Variants in PLCB4 observed in about 807,000 individuals in gnomAD.
The protein encoded by PLCB4 is 1-phosphatidylinositol 4,5-bisphosphate phosphodiesterase beta-4.
PLCB4 carries 77 observed loss-of-function variants against 178.8 expected under a neutral mutation model. That is an observed-to-expected ratio of 0.43 (90% CI 0.36 to 0.52). The LOEUF (loss-of-function observed/expected upper bound fraction) is 0.52, where lower values mean the gene tolerates loss of function less well. Among genes scored for constraint, PLCB4 ranks in the 20% least tolerant of loss-of-function variants. The pLI is 0.00. For synonymous variants in PLCB4, 496 were observed against 490.8 expected, an observed-to-expected ratio of 1.01 and a Z score of -0.14; for missense variants, 1,024 against 1,453.4, an observed-to-expected ratio of 0.70 and a Z score of 4.80.
chr20:9,178,245 TG>T (rs1363567706), intron 2 of PLCB4, among the ~76,000 whole-genome samples: 1 of 152,106 alleles, frequency 6.6e-6, no homozygotes, highest in Non-Finnish European at 1.5e-5. Context: ...TGCTTGAATC[TG>T]GGAGGCGGAG....
rs1285400728 is a variant in PLCB4 at position 9,082,877 on chromosome 20, A to G, written c.-134-13410A>G. Among the ~76,000 whole-genome samples, 20 of 152,308 alleles carry G rather than the reference A, an allele frequency of 1.3e-4. 1 individual carries two copies. Among genetic ancestry groups the G allele is most frequent in the Admixed American group, 1.0e-3 (16 of 15,294 alleles). ...GAAATGAGGAAATTTAAAAGTGCAG[A>G]TGATTTGGGTATTAACACATATCCT... On this transcript the variant is annotated intron_variant, in intron 1 of 39. Transcript: ENST00000378473.
At chr20:9,192,352 T>C (rs2093415528) in intron 2 of PLCB4, among the ~76,000 whole-genome samples, 1 of 152,106 alleles carries the variant, frequency 6.6e-6, no homozygotes, top group South Asian at 2.1e-4. Context: ...GAATAATCAG[T>C]GCCAAGGGAG....
chr20:9,177,932 A>G (rs990807838), intron 2 of PLCB4, among the ~76,000 whole-genome samples: 3 of 152,226 alleles, frequency 2.0e-5, no homozygotes, highest in African/African-American at 4.8e-5. Flanking sequence ...GTCCTATGGT[A>G]TAAAAACATT....
chr20:9,153,983 G>A (rs542715476), intron 2 of PLCB4, among the ~76,000 whole-genome samples: 1 of 152,208 alleles, frequency 6.6e-6, no homozygotes, highest in African/African-American at 2.4e-5. Flanking sequence ...TTTCAAAATA[G>A]GCTACATGGT....
chr20:9,147,089 T>C (rs1251994691), intron 2 of PLCB4, among the ~76,000 whole-genome samples: 1 of 152,114 alleles, frequency 6.6e-6, no homozygotes, highest in Admixed American at 6.6e-5. Flanking sequence ...GGCAAAAAGA[T>C]TGGATAGAGG....
chr20:9,200,207 T>C (rs1420376266), intron 2 of PLCB4, among the ~76,000 whole-genome samples: 1 of 152,024 alleles, frequency 6.6e-6, no homozygotes, highest in Non-Finnish European at 1.5e-5. Flanking sequence ...AAACTATTCA[T>C]TGTTTTTCAG....
chr20:9,457,396 G>A lies in PLCB4; in HGVS notation c.2997-18G>A, dbSNP rs1201615487. Reference sequence around the variant, plus strand: ...AATATCTAATTTCTGGCATGCATTTGCAACTTTCCATTTTCAGGGGAAGTA... The same window carrying A: ...AATATCTAATTTCTGGCATGCATTTACAACTTTCCATTTTCAGGGGAAGTA... On this transcript the variant is annotated intron_variant, in intron 33 of 39. Coordinates refer to ENST00000378473, the MANE Select transcript of PLCB4 (RefSeq NM_001377142.1). 2 of 1,293,908 alleles carry A rather than the reference G, an allele frequency of 1.5e-6. No individual in the cohort carries two copies. The highest frequency in any genetic ancestry group is 2.3e-5 in the East Asian group (1 of 43,382). The allele number at this position is 1,293,908 out of a possible 1,614,324, so 80.2% of individuals were successfully genotyped here. A position where few individuals can be genotyped will look rare whatever the true frequency, so the allele number is the denominator to read the frequency against.
At chr20:9,419,752 GT>G in intron 25 of PLCB4, 54 bp from the exon 26 acceptor site, 1 of 1,044,138 alleles carries the variant, frequency 9.6e-7, no homozygotes. Context: ...CAACTAGCGA[GT>G]GTTTTAGTCT....
At chr20:9,249,931 G>C (rs1321858278) in intron 3 of PLCB4, among the ~76,000 whole-genome samples, 1 of 152,080 alleles carries the variant, frequency 6.6e-6, no homozygotes, top group Non-Finnish European at 1.5e-5. Context: ...GAATGATTCT[G>C]TATCCAAGGA....
intron 1 of PLCB4, among the ~76,000 whole-genome samples, chr20:9,088,182 T>C (rs1448751745): frequency 2.8e-5 from 1 of 35,212 alleles, no homozygotes; most frequent in African/African-American, 8.4e-5. Context: ...TCTTTTCTTT[T>C]TTTTTTTTTT....
intron 35 of PLCB4, among the ~76,000 whole-genome samples, chr20:9,463,692 C>G (rs1345470626): frequency 1.3e-5 from 2 of 149,916 alleles, no homozygotes; most frequent in Non-Finnish European, 3.0e-5. Context: ...AAGGCCATTA[C>G]ATAATGGTAA....
chr20:9,102,794 G>T (rs916199448), intron 2 of PLCB4, among the ~76,000 whole-genome samples: 2 of 152,046 alleles, frequency 1.3e-5, no homozygotes, highest in African/African-American at 4.8e-5. Context: ...TCAGCACTTT[G>T]TAACCTGAGA....
chr20:9,179,706 C>T (rs1292473642), intron 2 of PLCB4, among the ~76,000 whole-genome samples: 1 of 152,146 alleles, frequency 6.6e-6, no homozygotes, highest in African/African-American at 2.4e-5. Context: ...GCATTTTAGC[C>T]TCTTTGAGTA....
chr20:9,311,620 G>A (rs2094835281), intron 4 of PLCB4, among the ~76,000 whole-genome samples: 1 of 151,710 alleles, frequency 6.6e-6, no homozygotes, highest in African/African-American at 2.4e-5. Flanking sequence ...AACATTTTCT[G>A]TCTCTCAATC....
chr20:9,194,010 T>TAA (rs1348688812), intron 2 of PLCB4, among the ~76,000 whole-genome samples: 1 of 151,398 alleles, frequency 6.6e-6, no homozygotes, highest in African/African-American at 2.4e-5. Context: ...CTTTTTTTTT[T>TAA]AAAAAAAATT....
chr20:9,291,188 T>C (rs1288187372), intron 3 of PLCB4, among the ~76,000 whole-genome samples: 1 of 152,234 alleles, frequency 6.6e-6, no homozygotes, highest in African/African-American at 2.4e-5. Flanking sequence ...GATTCACTTT[T>C]CCAATGTCAC....
chr20:9,261,605 CTT>C (rs2094298450), intron 3 of PLCB4, among the ~76,000 whole-genome samples: 1 of 152,066 alleles, frequency 6.6e-6, no homozygotes. Context: ...ATGAATATAT[CTT>C]TGTGGTGAGG....
intron 7 of PLCB4, among the ~76,000 whole-genome samples, chr20:9,341,944 AC>A (rs1457578274): frequency 1.3e-5 from 2 of 152,184 alleles, no homozygotes; most frequent in African/African-American, 4.8e-5. Flanking sequence ...GGGAACTATT[AC>A]ATCGAATTTC....
intron 35 of PLCB4, among the ~76,000 whole-genome samples, chr20:9,461,447 G>T (rs1213368364): frequency 6.6e-6 from 1 of 152,232 alleles, no homozygotes; most frequent in Non-Finnish European, 1.5e-5. Flanking sequence ...CCAAAGCAGG[G>T]TGGGGTGTCA....
Sources: allele counts gnomAD v4.1 joint callset (sites outside exome capture counted in the v4.1 genomes callset), GRCh38; gene constraint gnomAD v4.1.1; transcripts MANE v1.5; gene names NCBI Gene and HGNC (gene_info 2026-07-23, HGNC 2026-07-21).